The following SLC10A7 variants were observed in gnomAD, a reference collection of about 807,000 sequenced individuals.
SLC10A7 encodes the protein solute carrier family 10 member 7, also known as sodium/bile acid cotransporter 7.
A neutral mutation model predicts 43.2 loss-of-function variants in SLC10A7; 29 were observed. The ratio of observed to expected loss-of-function variants is 0.67; its 90% CI spans 0.50 to 0.92. The LOEUF (loss-of-function observed/expected upper bound fraction) is 0.92, where lower values mean the gene tolerates loss of function less well. SLC10A7 is among the 40% of genes least tolerant of loss of function. The probability of loss-of-function intolerance (pLI) is 0.00; values close to 1 mark genes in which losing one functional copy is unlikely to be tolerated. For synonymous variants in SLC10A7, 152 were observed against 144.8 expected (o/e 1.05, Z -0.35); for missense variants, 295 against 403.2 (o/e 0.73, Z 2.30).
chr4:146,515,145 T>G (rs1442778859), intron 2 of SLC10A7: 1 of 702,406 alleles, frequency 1.4e-6, no homozygotes, highest in Non-Finnish European at 2.6e-6. Context: ...TCGCATTAAG[T>G]AAGAAGCTAA....
chr4:146,480,729 G>C (rs976729436), intron 4 of SLC10A7, among the ~76,000 whole-genome samples: 2 of 152,074 alleles, frequency 1.3e-5, no homozygotes, highest in African/African-American at 2.4e-5. Flanking sequence ...CTGGGTGCCA[G>C]CTAAAAGTTG....
At chr4:146,298,295 G>A (rs1028924458) in intron 7 of SLC10A7, among the ~76,000 whole-genome samples, 3 of 152,146 alleles carry the variant, frequency 2.0e-5, no homozygotes, top group African/African-American at 7.2e-5. Flanking sequence ...TTCTATCACT[G>A]TTTATCAGTA....
At chr4:146,314,068 A>G (rs1356418009) in intron 6 of SLC10A7, among the ~76,000 whole-genome samples, 1 of 152,174 alleles carries the variant, frequency 6.6e-6, no homozygotes. Context: ...AAGGGGAGGC[A>G]GACCCAGGCT....
intron 4 of SLC10A7, among the ~76,000 whole-genome samples, chr4:146,461,592 C>T (rs972603807): frequency 1.3e-5 from 2 of 151,966 alleles, no homozygotes; most frequent in African/African-American, 4.8e-5. Context: ...CCTTTCTGTA[C>T]ACACACCCCA....
At chr4:146,312,127 A>G (rs527553744) in intron 6 of SLC10A7, among the ~76,000 whole-genome samples, 1 of 152,300 alleles carries the variant, frequency 6.6e-6, no homozygotes, top group South Asian at 2.1e-4. Flanking sequence ...TATGTTTAGG[A>G]GAGGAAAGTA....
rs191479739 is a variant in SLC10A7 at position 146,319,427 on chromosome 4, C to T, written c.471+6534G>A. 1.1e-4 allele frequency among the ~76,000 whole-genome samples: 17 copies of T among 152,176 alleles called. No individual in the cohort carries two copies. The East Asian group carries it at 3.1e-3, about 28-fold the overall frequency. ...CCATCCTATTTAAAATAGCAACTCTCCCATCCTAATCTAGTACTTCCTATT... is the reference window on the plus strand; with the variant it reads ...CCATCCTATTTAAAATAGCAACTCTTCCATCCTAATCTAGTACTTCCTATT... On this transcript the variant is annotated intron_variant, in intron 6 of 11. Transcript: ENST00000335472.
chr4:146,259,219 T>C (rs1241364533), intron 10 of SLC10A7, among the ~76,000 whole-genome samples: 1 of 152,184 alleles, frequency 6.6e-6, no homozygotes, highest in Non-Finnish European at 1.5e-5. Flanking sequence ...AGATAGTCTG[T>C]TGGTCTTTAG....
chr4:146,398,420 C>T (rs1738988877), intron 5 of SLC10A7, among the ~76,000 whole-genome samples: 1 of 152,060 alleles, frequency 6.6e-6, no homozygotes, highest in Non-Finnish European at 1.5e-5. Flanking sequence ...TTCTTCATCA[C>T]AAAAGAAGTC....
At chr4:146,417,043 T>G (rs776921613) in intron 5 of SLC10A7, among the ~76,000 whole-genome samples, 11 of 152,182 alleles carry the variant, frequency 7.2e-5, no homozygotes, top group Non-Finnish European at 1.6e-4. Context: ...CCATAAGATA[T>G]ATATATAAAT....
At position 146,434,813 on chromosome 4, in the gene SLC10A7, C is replaced by T. The variant is rs553331798; in HGVS notation, c.435+7970G>A. Among the ~76,000 whole-genome samples the T allele has an allele frequency of 1.4e-4, 22 of 152,268 alleles. No individual in the cohort carries two copies. In the South Asian group the frequency reaches 1.5e-3, roughly 10 times the overall value. ...TCCTGACCTCGTGATCCACTAGCCT[C>T]GGCCTCCCAAAGTCCTGAGATTATA... On this transcript the variant is annotated intron_variant, in intron 5 of 11. Coordinates refer to ENST00000335472, the MANE Select transcript of SLC10A7 (RefSeq NM_001029998.6).
chr4:146,448,160 A>G (rs1271532422), intron 4 of SLC10A7, among the ~76,000 whole-genome samples: 1 of 152,078 alleles, frequency 6.6e-6, no homozygotes, highest in Non-Finnish European at 1.5e-5. Flanking sequence ...TGGCACATGT[A>G]TACATATGTA....
chr4:146,448,164 A>C (rs1731271815), intron 4 of SLC10A7, among the ~76,000 whole-genome samples: 2 of 152,062 alleles, frequency 1.3e-5, no homozygotes, highest in Admixed American at 6.6e-5. Context: ...ACATGTATAC[A>C]TATGTAACAA....
At chr4:146,377,100 T>TA (rs397728743) in intron 5 of SLC10A7, among the ~76,000 whole-genome samples, 3 of 150,684 alleles carry the variant, frequency 2.0e-5, no homozygotes, top group South Asian at 2.1e-4. Context: ...CATTTTTTTT[T>TA]ATTATTACAG....
intron 5 of SLC10A7, among the ~76,000 whole-genome samples, chr4:146,390,031 A>G (rs923466863): frequency 6.6e-6 from 1 of 152,262 alleles, no homozygotes; most frequent in Non-Finnish European, 1.5e-5. Flanking sequence ...ATAATAGTAC[A>G]TAACATCACT....
rs550556398 is a variant in SLC10A7, at chr4:146,480,698, T to A, written c.396+23151A>T. Among the ~76,000 whole-genome samples the A allele has an allele frequency of 2.6e-5, 4 of 152,082 alleles. No individual in the cohort carries two copies. The East Asian group carries it at 7.7e-4, about 29-fold the overall frequency. ...CCAAATAGAACACCAGGAAGTCTAG[T>A]AGATAAATATGACATTTCAGCTGGG... On this transcript the variant is annotated intron_variant, in intron 4 of 11. Coordinates refer to ENST00000335472, the MANE Select transcript of SLC10A7 (RefSeq NM_001029998.6).
intron 10 of SLC10A7, among the ~76,000 whole-genome samples, chr4:146,276,087 G>A (rs958524087): frequency 6.6e-6 from 1 of 152,178 alleles, no homozygotes; most frequent in Non-Finnish European, 1.5e-5. Flanking sequence ...CTTATAGCAA[G>A]TGGGAAGTCT....
At chr4:146,430,532 G>C (rs1469171744) in intron 5 of SLC10A7, among the ~76,000 whole-genome samples, 1 of 151,918 alleles carries the variant, frequency 6.6e-6, no homozygotes, top group Non-Finnish European at 1.5e-5. Flanking sequence ...AAAAGAACTG[G>C]CTGAATAATA....
At chr4:146,504,726 A>G (rs1161304459) in intron 3 of SLC10A7, among the ~76,000 whole-genome samples, 1 of 152,154 alleles carries the variant, frequency 6.6e-6, no homozygotes, top group African/African-American at 2.4e-5. Flanking sequence ...TCTATAGAAG[A>G]GCAGTTTTCA....
intron 5 of SLC10A7, among the ~76,000 whole-genome samples, chr4:146,425,365 G>A (rs1220951271): frequency 6.6e-6 from 1 of 152,214 alleles, no homozygotes; most frequent in Non-Finnish European, 1.5e-5. Context: ...GTAGAGCAAT[G>A]ATGAAAATGT....
Sources: allele counts gnomAD v4.1 joint callset (sites outside exome capture counted in the v4.1 genomes callset), GRCh38; gene constraint gnomAD v4.1.1; transcripts MANE v1.5; gene names NCBI Gene and HGNC (gene_info 2026-07-23, HGNC 2026-07-21).